FMN2: variants seen among roughly 807,000 people sequenced by gnomAD.
FMN2 encodes the protein formin-2.
In FMN2, 51 loss-of-function variants were observed where a neutral mutation model predicts 142.3. The ratio of observed to expected loss-of-function variants is 0.36; its 90% confidence interval spans 0.29 to 0.45. The LOEUF (loss-of-function observed/expected upper bound fraction) is 0.45, where lower values mean the gene tolerates loss of function less well. Among genes scored for constraint, FMN2 ranks in the 20% least tolerant of loss-of-function variants. FMN2 has a pLI of 1.00. For missense variants in FMN2, 1,936 were observed against 2,122.8 expected (o/e 0.91, Z 1.73); for synonymous variants, 882 against 869.8 (o/e 1.01, Z -0.25).
chr1:240,167,633 C>CT, intron 2 of FMN2, among the ~76,000 whole-genome samples: 1 of 152,258 alleles, frequency 6.6e-6, no homozygotes, highest in East Asian at 1.9e-4. Context: ...CCATGTAGAG[C>CT]TGTTTTAATG....
At chr1:240,095,349 A>G (rs552231677) in intron 1 of FMN2, among the ~76,000 whole-genome samples, 4 of 149,830 alleles carry the variant, frequency 2.7e-5, no homozygotes, top group Non-Finnish European at 1.5e-5. Context: ...TTTAGCAAAT[A>G]TATATATGTA....
At chr1:240,159,905 GTATATATATA>G (rs34012500) in intron 2 of FMN2, among the ~76,000 whole-genome samples, 11,467 of 119,986 alleles carry the variant, frequency 0.096, 1,649 homozygotes, top group African/African-American at 0.32. Flanking sequence ...ATATATCTGT[GTATATATATA>G]TATATATATA....
intron 1 of FMN2, among the ~76,000 whole-genome samples, chr1:240,107,501 AC>A (rs1171689882): frequency 2.6e-5 from 4 of 152,186 alleles, no homozygotes; most frequent in Admixed American, 6.5e-5. Context: ...AATTAAAAAA[AC>A]ATTTTTCTTT....
At chr1:240,295,080 T>C (rs16832176) in intron 8 of FMN2, among the ~76,000 whole-genome samples, 197 bp downstream of exon 8, 39,755 of 151,776 alleles carry the variant, frequency 0.26, 5,799 homozygotes, top group Admixed American at 0.45. Flanking sequence ...GTTTGAAAAA[T>C]TGTGAATCAA....
At chr1:240,340,711 A>G (rs2103028384) in intron 13 of FMN2, among the ~76,000 whole-genome samples, 1 of 152,264 alleles carries the variant, frequency 6.6e-6, no homozygotes, top group South Asian at 2.1e-4. Flanking sequence ...TATTTTCAAT[A>G]ATTTTCATTC....
At chr1:240,346,034 C>A (rs895943081) in intron 13 of FMN2, among the ~76,000 whole-genome samples, 3 of 152,030 alleles carry the variant, frequency 2.0e-5, no homozygotes, top group African/African-American at 7.2e-5. Flanking sequence ...ATGGGTAAAT[C>A]TTATTAACAC....
At chr1:240,118,254 A>G (rs1369280039) in intron 1 of FMN2, among the ~76,000 whole-genome samples, 1 of 152,140 alleles carries the variant, frequency 6.6e-6, no homozygotes, top group East Asian at 1.9e-4. Context: ...TGAAGAATGC[A>G]AGTTTATTAG....
chr1:240,368,499 C>T (rs1057060639), intron 14 of FMN2, among the ~76,000 whole-genome samples: 3 of 152,120 alleles, frequency 2.0e-5, no homozygotes, highest in African/African-American at 7.2e-5. Context: ...TGCATTTACT[C>T]TATTTTGAAG....
rs540840851 is a variant in FMN2 at position 240,238,770 on chromosome 1, C to A, written c.4066-19175C>A. Among the ~76,000 whole-genome samples the A allele has an allele frequency of 7.2e-5, 11 of 152,292 alleles. No individual in the cohort carries two copies. The South Asian group carries it at 2.3e-3, about 32-fold the overall frequency. ...GTAGCATTACTTGAAAAACCCTAAA[C>A]TGCAAACCTTCTAAATATCTATCAA... On this transcript the variant is annotated intron_variant, in intron 6 of 17. Transcript: ENST00000319653.
At chr1:240,369,591 T>A (rs1407434779) in intron 14 of FMN2, among the ~76,000 whole-genome samples, 4 of 152,212 alleles carry the variant, frequency 2.6e-5, no homozygotes. Flanking sequence ...AACATATCTT[T>A]ATATCAAGCC....
At chr1:240,131,536 C>T (rs1220442820) in intron 2 of FMN2, among the ~76,000 whole-genome samples, 3 of 151,982 alleles carry the variant, frequency 2.0e-5, no homozygotes, top group Non-Finnish European at 4.4e-5. Flanking sequence ...TGGTGAAACC[C>T]CCGCCTCTAC....
At chr1:240,204,179 G>C (rs924219095) in intron 4 of FMN2, among the ~76,000 whole-genome samples, 21 of 151,948 alleles carry the variant, frequency 1.4e-4, no homozygotes, top group African/African-American at 5.1e-4. Context: ...CCCTTTGTAG[G>C]GGTTGTGTTT....
At chr1:240,442,714 T>A (rs1370793645) in intron 16 of FMN2, among the ~76,000 whole-genome samples, 1 of 152,182 alleles carries the variant, frequency 6.6e-6, no homozygotes, top group Non-Finnish European at 1.5e-5. Flanking sequence ...GATTACAGAG[T>A]GATAATAATA....
intron 2 of FMN2, among the ~76,000 whole-genome samples, chr1:240,135,487 G>T (rs553792047): frequency 6.6e-6 from 1 of 152,170 alleles, no homozygotes; most frequent in Non-Finnish European, 1.5e-5. Context: ...CTATGCACTT[G>T]TTATATGGTT....
At chr1:240,335,838 T>C (rs1464114298) in intron 13 of FMN2, among the ~76,000 whole-genome samples, 1 of 152,006 alleles carries the variant, frequency 6.6e-6, no homozygotes, top group Non-Finnish European at 1.5e-5. Flanking sequence ...CACCAGATAG[T>C]GGGTTTGAAA....
At chr1:240,455,880 CAG>C (rs1676222867) in intron 16 of FMN2, among the ~76,000 whole-genome samples, 1 of 151,942 alleles carries the variant, frequency 6.6e-6, no homozygotes, top group Admixed American at 6.6e-5. Flanking sequence ...GAGGCTGAGA[CAG>C]GAGATTTGCT....
chr1:240,330,803 T>C (rs1671349986), intron 11 of FMN2, 54 bp downstream of exon 11: 1 of 1,580,394 alleles, frequency 6.3e-7, no homozygotes, highest in African/African-American at 1.4e-5. Flanking sequence ...AGGTTTTGTT[T>C]AGTAATGGGT....
chr1:240,332,115 C>T lies in FMN2; in HGVS notation c.4584+1366C>T, dbSNP rs1019162356. ...GAGCATCTATGGAATGTGGACACTGCTCTTCCAAAATCGAATAATTCATAG... is the reference window on the plus strand; with the variant it reads ...GAGCATCTATGGAATGTGGACACTGTTCTTCCAAAATCGAATAATTCATAG... On this transcript the variant is annotated intron_variant, in intron 11 of 17. Coordinates refer to ENST00000319653, the MANE Select transcript of FMN2 (RefSeq NM_020066.5). Among the ~76,000 whole-genome samples the T allele has an allele frequency of 4.7e-4, 72 of 152,150 alleles. 4 individuals carry two copies. Among genetic ancestry groups the T allele is most frequent in the Non-Finnish European group, 2.9e-5 (2 of 68,018 alleles).
chr1:240,238,851 C>T (rs1443687163), intron 6 of FMN2, among the ~76,000 whole-genome samples: 2 of 152,118 alleles, frequency 1.3e-5, no homozygotes, highest in African/African-American at 4.8e-5. Context: ...TTATACTCAA[C>T]AACAATATGG....
Sources: gnomAD v4.1 joint callset for allele counts (sites outside exome capture counted in the v4.1 genomes callset) on GRCh38, gnomAD v4.1.1 for gene constraint, MANE v1.5 for transcripts, NCBI Gene and HGNC (gene_info 2026-07-23, HGNC 2026-07-21) for gene names.